Variants in MAML3 observed in about 807,000 individuals in gnomAD.
MAML3 encodes mastermind like transcriptional coactivator 3.
Under a neutral mutation model 101.9 loss-of-function variants are expected in MAML3, and 27 were observed. That is an observed-to-expected ratio of 0.27 (90% confidence interval 0.20 to 0.37). MAML3 has a LOEUF of 0.37. Ranked by LOEUF, MAML3 falls within the 10% of genes least tolerant of loss-of-function variation. The pLI, the probability that MAML3 is intolerant of heterozygous loss-of-function variation, is 1.00. For synonymous variants in MAML3, 501 were observed against 555.9 expected, an observed-to-expected ratio of 0.90 and a Z score of 1.39; for missense variants, 1,316 against 1,444.9, an observed-to-expected ratio of 0.91 and a Z score of 1.45.
chr4:140,123,819 A>G (rs149261196), intron 1 of MAML3, among the ~76,000 whole-genome samples: 35 of 152,354 alleles, frequency 2.3e-4, no homozygotes, highest in African/African-American at 8.2e-4. Flanking sequence ...GGGAGGTAAG[A>G]AAGAACTCAT....
At chr4:140,011,099 A>G (rs1456356675) in intron 1 of MAML3, among the ~76,000 whole-genome samples, 3 of 18,768 alleles carry the variant, frequency 1.6e-4, no homozygotes, top group Non-Finnish European at 5.2e-4. Flanking sequence ...CTCTGTCTCG[A>G]AAAAAAAAAA....
intron 2 of MAML3, among the ~76,000 whole-genome samples, chr4:139,809,865 TACAC>T (rs71584333): frequency 0.012 from 1,738 of 142,978 alleles, 25 homozygotes; most frequent in African/African-American, 0.027. Flanking sequence ...TACCTGCACG[TACAC>T]ACACACACAC....
At position 139,719,759 on chromosome 4, in the gene MAML3, T is replaced by G; in HGVS notation, c.2981A>C (p.Gln994Pro). ...NGASYPLQAG[Q>P]PRLTKQHFPQ... ...GAAGTGCTGCTTGGTCAGTCTCGGC[T>G]GCCCAGCTTGAAGAGGGTAGCTGGC... The change falls in exon 5 of 5, where the codon CAG (glutamine) becomes CCG (proline). Residue 994 changes from glutamine (Q) to proline (P), a missense_variant. Transcript: ENST00000509479. 6.2e-7 allele frequency: 1 copy of G among 1,613,786 alleles called. No homozygotes were observed. The highest frequency in any genetic ancestry group is 1.7e-5 in the Admixed American group (1 of 60,028).
chr4:139,996,838 A>T (rs1560861427), intron 1 of MAML3, among the ~76,000 whole-genome samples: 1 of 151,936 alleles, frequency 6.6e-6, no homozygotes, highest in Non-Finnish European at 1.5e-5. Flanking sequence ...AGGAGGGCGG[A>T]TCACGAGGTC....
At chr4:139,925,570 A>C (rs1214004840) in intron 1 of MAML3, among the ~76,000 whole-genome samples, 1 of 152,148 alleles carries the variant, frequency 6.6e-6, no homozygotes, top group Non-Finnish European at 1.5e-5. Flanking sequence ...GGCCAAAAAA[A>C]ACAAGGTGTT....
chr4:139,849,855 G>T (rs1036968824), intron 2 of MAML3, among the ~76,000 whole-genome samples: 1 of 152,162 alleles, frequency 6.6e-6, no homozygotes, highest in Non-Finnish European at 1.5e-5. Flanking sequence ...TTCTGTAACT[G>T]TTAACATTTT....
chr4:139,894,187 T>C (rs901837843), intron 1 of MAML3, among the ~76,000 whole-genome samples: 2 of 152,140 alleles, frequency 1.3e-5, no homozygotes, highest in African/African-American at 2.4e-5. Context: ...ATTTTACTGC[T>C]AGGTGCTTTT....
chr4:139,725,017 C>T (rs751647322), intron 4 of MAML3, among the ~76,000 whole-genome samples: 1 of 152,132 alleles, frequency 6.6e-6, no homozygotes, highest in Non-Finnish European at 1.5e-5. Flanking sequence ...CCTCAGCCTC[C>T]CAAAGTGCTA....
intron 1 of MAML3, among the ~76,000 whole-genome samples, chr4:139,958,320 T>C (rs1422098074): frequency 6.6e-6 from 1 of 152,228 alleles, no homozygotes; most frequent in Non-Finnish European, 1.5e-5. Flanking sequence ...TCTGTCATCA[T>C]TCATTCATTT....
intron 2 of MAML3, among the ~76,000 whole-genome samples, chr4:139,813,394 T>C (rs976211082): frequency 2.6e-5 from 4 of 152,118 alleles, no homozygotes; most frequent in Admixed American, 2.0e-4. Flanking sequence ...CACTGTGAAA[T>C]TTCAGAAAGC....
chr4:139,878,159 C>T (rs144996868), intron 2 of MAML3, among the ~76,000 whole-genome samples: 7 of 152,274 alleles, frequency 4.6e-5, no homozygotes, highest in Non-Finnish European at 8.8e-5. Context: ...AAGTTGGCCA[C>T]GGAAGGAATA....
At chr4:140,110,309 A>G (rs1728420151) in intron 1 of MAML3, among the ~76,000 whole-genome samples, 1 of 152,252 alleles carries the variant, frequency 6.6e-6, no homozygotes, top group Non-Finnish European at 1.5e-5. Flanking sequence ...GCACAGCGAC[A>G]CTGCACAGTG....
In MAML3 at chr4:139,737,373, C is replaced by T. The variant is rs112354364; in HGVS notation, c.2080-6706G>A. ...TAAGGAACTTGTCTGGTGGTGGCGTCTCTGGGATTCTGACTTTTCCACTGA... is the reference window on the plus strand; with the variant it reads ...TAAGGAACTTGTCTGGTGGTGGCGTTTCTGGGATTCTGACTTTTCCACTGA... On this transcript the variant is annotated intron_variant, in intron 2 of 4. Transcript: ENST00000509479. 4.8e-3 allele frequency among the ~76,000 whole-genome samples: 473 copies of T among 97,634 alleles called. 3 individuals are homozygous for T. The highest frequency in any genetic ancestry group is 0.015 in the African/African-American group (453 of 30,576). The allele number at this position is 97,634 out of a possible 152,430, so 64.1% of individuals were successfully genotyped here. A position where few individuals can be genotyped will look rare whatever the true frequency, so the allele number is the denominator to read the frequency against.
rs1732058395 is a variant in MAML3 at position 139,873,790 on chromosome 4, A to G, written c.2079+15567T>C. ...CCTTCAGATGACTGCAGCCCACTTG[A>G]CAGCTTCACGGTAGCCTTATGGAAG... On this transcript the variant is annotated intron_variant, in intron 2 of 4. Transcript: ENST00000509479. Among the ~76,000 whole-genome samples the G allele has an allele frequency of 3.3e-5, 5 of 152,164 alleles. No individual in the cohort carries two copies. In the South Asian group the frequency reaches 1.0e-3, roughly 32 times the overall value.
intron 1 of MAML3, among the ~76,000 whole-genome samples, chr4:139,993,985 A>G (rs1734754016): frequency 6.6e-6 from 1 of 152,198 alleles, no homozygotes; most frequent in Non-Finnish European, 1.5e-5. Context: ...TAACTTTTAC[A>G]CTGAGGCCAA....
chr4:140,121,810 C>T (rs1728610240), intron 1 of MAML3, among the ~76,000 whole-genome samples: 2 of 152,302 alleles, frequency 1.3e-5, no homozygotes, highest in South Asian at 2.1e-4. Flanking sequence ...GGCTGTGTCC[C>T]AACCCAAATT....
At chr4:139,989,605 G>T (rs760313139) in intron 1 of MAML3, among the ~76,000 whole-genome samples, 1 of 152,048 alleles carries the variant, frequency 6.6e-6, no homozygotes, top group Non-Finnish European at 1.5e-5. Context: ...CAGAAATGCT[G>T]CCTGCTTCCT....
chr4:139,819,974 G>T (rs981958920), intron 2 of MAML3, among the ~76,000 whole-genome samples: 16 of 152,156 alleles, frequency 1.1e-4, no homozygotes, highest in Non-Finnish European at 2.1e-4. Flanking sequence ...AGGCAATGGT[G>T]CTGTACTCAG....
intron 1 of MAML3, among the ~76,000 whole-genome samples, chr4:139,963,620 G>T (rs1400443153): frequency 6.6e-6 from 1 of 152,120 alleles, no homozygotes; most frequent in Non-Finnish European, 1.5e-5. Context: ...TATACCTTGG[G>T]TCAGACTATT....
Sources: gnomAD v4.1 joint callset for allele counts (sites outside exome capture counted in the v4.1 genomes callset) on GRCh38, gnomAD v4.1.1 for gene constraint, MANE v1.5 for transcripts, NCBI Gene and HGNC (gene_info 2026-07-23, HGNC 2026-07-21) for gene names.